Variants in PACS2 observed in about 807,000 individuals in gnomAD.
PACS2 encodes phosphofurin acidic cluster sorting protein 2.
A neutral mutation model predicts 113.0 loss-of-function variants in PACS2; 36 were observed. The ratio of observed to expected loss-of-function variants is 0.32; its 90% CI spans 0.24 to 0.42. PACS2 has a LOEUF of 0.42. Ranked by LOEUF, PACS2 falls within the 10% of genes least tolerant of loss-of-function variation. The pLI is 1.00. For synonymous variants in PACS2, 589 were observed against 536.1 expected (o/e 1.10, Z -1.36); for missense variants, 1,015 against 1,239.5 (o/e 0.82, Z 2.72).
At chr14:105,385,653 T>C in intron 18 of PACS2, 32 bp from the exon 19 acceptor site, 2 of 1,501,918 alleles carry the variant, frequency 1.3e-6, no homozygotes, top group South Asian at 2.5e-5. Context: ...TCGTAACGTG[T>C]CTGTTTTCTC....
chr14:105,310,193 T>G (rs2058310780), upstream of PACS2, among the ~76,000 whole-genome samples: 1 of 152,118 alleles, frequency 6.6e-6, no homozygotes, highest in Non-Finnish European at 1.5e-5. Flanking sequence ...GGGAATTTTT[T>G]AGTGGTCTTA....
chr14:105,367,905 G>A (rs1045643016), intron 5 of PACS2, among the ~76,000 whole-genome samples, 169 bp from the exon 6 acceptor site: 1 of 152,234 alleles, frequency 6.6e-6, no homozygotes, highest in Non-Finnish European at 1.5e-5. Context: ...GGACTTGGGG[G>A]ACTCGGGGGC....
intron 1 of PACS2, among the ~76,000 whole-genome samples, chr14:105,303,539 G>A (rs2058095638): frequency 6.6e-6 from 1 of 152,172 alleles, no homozygotes. Context: ...CATCGCGCCT[G>A]GCCTTTTCCT....
intron 5 of PACS2, 129 bp from the exon 6 acceptor site, chr14:105,367,945 C>G (rs2060998647): frequency 1.4e-6 from 1 of 705,754 alleles, no homozygotes; most frequent in East Asian, 2.7e-5. Context: ...GTCTGGAGCC[C>G]CTCTGTCCTG....
rs924171915 is a variant in PACS2 at position 105,324,550 on chromosome 14, G to T, written c.119+9513G>T. The stretch of plus-strand genomic sequence containing the variant: ...CTGAGAGGCAGCCCTAAAAATAGCC[G>T]AGCGCTGAGAGGCCGTCCCTTTCTG... On this transcript the variant is annotated intron_variant, in intron 1 of 24. Coordinates refer to ENST00000447393, the MANE Select transcript of PACS2 (RefSeq NM_001100913.3). This position sits in a 1 kb window ranked among gnomAD's most constrained non-coding sequence, Gnocchi z 4.7. Among the ~76,000 whole-genome samples, 1 of 152,136 alleles carries T rather than the reference G, an allele frequency of 6.6e-6. No homozygotes were observed. Among genetic ancestry groups the T allele is most frequent in the Non-Finnish European group, 1.5e-5 (1 of 68,012 alleles).
upstream of PACS2, among the ~76,000 whole-genome samples, chr14:105,312,687 C>T (rs2058377231): frequency 6.6e-6 from 1 of 152,172 alleles, no homozygotes; most frequent in Non-Finnish European, 1.5e-5. Flanking sequence ...CAGAGGAGGG[C>T]AGTGCAAATA....
Position 105,366,902 on chromosome 14 carries a change from C to T in PACS2, c.424-311C>T, listed in dbSNP as rs1474349258. ...CCCCTGTCTGTCCATCTCAGTCCCT[C>T]GTGACTGTGCCTGGCACTGGCCTCT... On this transcript the variant is annotated intron_variant, in intron 4 of 24. Coordinates refer to ENST00000447393, the MANE Select transcript of PACS2 (RefSeq NM_001100913.3). This position sits in a 1 kb window ranked among gnomAD's most constrained non-coding sequence, Gnocchi z 4.3. 1.3e-5 allele frequency among the ~76,000 whole-genome samples: 2 copies of T among 152,162 alleles called. No individual in the cohort carries two copies. Among genetic ancestry groups the T allele is most frequent in the African/African-American group, 2.4e-5 (1 of 41,428 alleles).
At chr14:105,314,126 C>T (rs2058439289), upstream of PACS2, among the ~76,000 whole-genome samples, 1 of 152,228 alleles carries the variant, frequency 6.6e-6, no homozygotes, top group Admixed American at 6.5e-5. Context: ...CCGCGACCGC[C>T]GCCAGGCCCG....
chr14:105,314,247 G>T (rs964131615), upstream of PACS2, among the ~76,000 whole-genome samples: 1 of 151,810 alleles, frequency 6.6e-6, no homozygotes, highest in Non-Finnish European at 1.5e-5. Context: ...AGCGGGGGTC[G>T]GCAGGAGACA....
chr14:105,305,825 C>T (rs1007341828), intron 1 of PACS2, among the ~76,000 whole-genome samples: 8 of 152,272 alleles, frequency 5.3e-5, no homozygotes, highest in African/African-American at 1.9e-4. Context: ...AGCACCCACA[C>T]TGGGCACCCA....
chr14:105,340,595 C>T lies in PACS2; in HGVS notation c.120-7898C>T, dbSNP rs941466808. Among the ~76,000 whole-genome samples, 28 of 152,232 alleles carry T rather than the reference C, an allele frequency of 1.8e-4. No homozygotes were observed. Among genetic ancestry groups the T allele is most frequent in the African/African-American group, 6.8e-4 (28 of 41,456 alleles). ...GGAGCTCAGGTGGGAATGCTCACTC[C>T]CTGGTGCTCATCTCCTGCTGTGCGG... On this transcript the variant is annotated intron_variant, in intron 1 of 24. Coordinates refer to ENST00000447393, the MANE Select transcript of PACS2 (RefSeq NM_001100913.3). The surrounding 1 kb of genome is among the most constrained non-coding windows in gnomAD (Gnocchi z 4.2).
At position 105,329,395 on chromosome 14, in the gene PACS2, G is replaced by A. The variant is rs994173003; in HGVS notation, c.119+14358G>A. On this transcript the variant is annotated intron_variant, in intron 1 of 24. Coordinates refer to ENST00000447393, the MANE Select transcript of PACS2 (RefSeq NM_001100913.3). This position sits in a 1 kb window ranked among gnomAD's most constrained non-coding sequence, Gnocchi z 6.4. ...CCCAGAAGAGAAGTCCCTGGAACCA[G>A]GACCAGCCTGCTGTCACCTGCCTGC... Among the ~76,000 whole-genome samples, 1 of 152,184 alleles carries A rather than the reference G, an allele frequency of 6.6e-6. No individual in the cohort carries two copies. Among genetic ancestry groups the A allele is most frequent in the Non-Finnish European group, 1.5e-5 (1 of 68,034 alleles).
rs587665391 is a variant in PACS2 at position 105,309,389 on chromosome 14, G to C, written c.-83+8410G>C. On this transcript the variant is annotated intron_variant, in intron 1 of 23. Transcript: ENST00000430725. The surrounding 1 kb of genome is among the most constrained non-coding windows in gnomAD (Gnocchi z 4.0). ...CCCATGTTGCTAAAACTGAGGCAGC[G>C]TTCCGTTTTGCTGGTTATTCCACAT... 6.6e-5 allele frequency among the ~76,000 whole-genome samples: 10 copies of C among 152,194 alleles called. No homozygotes were observed. The highest frequency in any genetic ancestry group is 1.3e-4 in the Non-Finnish European group (9 of 68,036).
In PACS2 at chr14:105,350,613, C is replaced by T. The variant is rs587638797; in HGVS notation, c.208-1765C>T. ...TCTGCTTCTCTTGGGGTGTCCTCTCCGCCCAGGCCCCCTGTGGGGGAAGCA... is the reference window on the plus strand; with the variant it reads ...TCTGCTTCTCTTGGGGTGTCCTCTCTGCCCAGGCCCCCTGTGGGGGAAGCA... On this transcript the variant is annotated intron_variant, in intron 2 of 24. Coordinates refer to ENST00000447393, the MANE Select transcript of PACS2 (RefSeq NM_001100913.3). 3.5e-4 allele frequency among the ~76,000 whole-genome samples: 54 copies of T among 152,334 alleles called. No individual in the cohort carries two copies. In the East Asian group the frequency reaches 6.9e-3, roughly 20 times the overall value.
intron 1 of PACS2, among the ~76,000 whole-genome samples, chr14:105,341,869 C>T (rs1326478465): frequency 2.0e-5 from 3 of 152,178 alleles, no homozygotes; most frequent in Non-Finnish European, 4.4e-5. Context: ...GCTACGGGAC[C>T]GCAAGCTGCG....
rs1449643517 is a variant in PACS2, at chr14:105,357,609, G to T, written c.423+2432G>T. 1.3e-5 allele frequency among the ~76,000 whole-genome samples: 2 copies of T among 152,180 alleles called. No individual in the cohort carries two copies. Among genetic ancestry groups the T allele is most frequent in the African/African-American group, 2.4e-5 (1 of 41,454 alleles). ...TGTGTCCTGCCACCTTTTGGGGCTG[G>T]TTCCCACCTGTGAGCGTTGCTGGCT... On this transcript the variant is annotated intron_variant, in intron 4 of 24. Transcript: ENST00000447393. This position sits in a 1 kb window ranked among gnomAD's most constrained non-coding sequence, Gnocchi z 5.1.
intron 1 of PACS2, among the ~76,000 whole-genome samples, chr14:105,322,889 T>G (rs1405608067): frequency 6.6e-6 from 1 of 152,216 alleles, no homozygotes; most frequent in Non-Finnish European, 1.5e-5. Flanking sequence ...TACCTTCTCT[T>G]TCTGTTTGTC....
At chr14:105,306,248 C>T (rs771104295) in intron 1 of PACS2, among the ~76,000 whole-genome samples, 10 of 152,176 alleles carry the variant, frequency 6.6e-5, no homozygotes, top group Non-Finnish European at 1.2e-4. Context: ...ACTTCCCCTC[C>T]TGGAGGCTTT....
intron 8 of PACS2, chr14:105,370,350 A>G (rs1384852672): frequency 1.5e-5 from 2 of 130,106 alleles, no homozygotes; most frequent in East Asian, 4.9e-4. Flanking sequence ...TGGATTTTTA[A>G]TGTTCATCTT....
Sources: allele counts gnomAD v4.1 joint callset (sites outside exome capture counted in the v4.1 genomes callset), GRCh38; gene constraint gnomAD v4.1.1; non-coding constraint Gnocchi (gnomAD v3.1); transcripts MANE v1.5; gene names NCBI Gene and HGNC (gene_info 2026-07-23, HGNC 2026-07-21).